Variants in CCBE1 observed in about 807,000 individuals in gnomAD.
CCBE1 encodes collagen and calcium-binding EGF domain-containing protein 1.
In CCBE1, 37 loss-of-function variants were observed where a neutral mutation model predicts 50.0. That is an observed-to-expected ratio of 0.74 (90% CI 0.57 to 0.97). The LOEUF is 0.97. Among genes scored for constraint, CCBE1 ranks in the 50% least tolerant of loss-of-function variants. CCBE1 has a pLI of 0.00. For synonymous variants in CCBE1, 234 were observed against 203.7 expected (o/e 1.15, Z -1.27); for missense variants, 538 against 523.8 (o/e 1.03, Z -0.26).
intron 3 of CCBE1, among the ~76,000 whole-genome samples, chr18:59,472,938 C>T (rs1912105743): frequency 6.6e-6 from 1 of 152,130 alleles, no homozygotes; most frequent in Non-Finnish European, 1.5e-5. Flanking sequence ...TTTATAAAAC[C>T]ATCAGATCTT....
At chr18:59,468,145 T>TG (rs1400107282) in intron 4 of CCBE1, among the ~76,000 whole-genome samples, 3 of 152,152 alleles carry the variant, frequency 2.0e-5, no homozygotes, top group Admixed American at 6.5e-5. Flanking sequence ...CCCAGCGCTT[T>TG]GGGGGGGCCA....
intron 2 of CCBE1, among the ~76,000 whole-genome samples, chr18:59,642,664 A>G (rs1014912061): frequency 3.3e-5 from 5 of 152,162 alleles, no homozygotes; most frequent in African/African-American, 1.2e-4. Context: ...TCAAGAATAC[A>G]ATGGGCCGGG....
At chr18:59,493,597 A>T (rs942874678) in intron 2 of CCBE1, among the ~76,000 whole-genome samples, 6 of 152,118 alleles carry the variant, frequency 3.9e-5, no homozygotes, top group African/African-American at 1.4e-4. Context: ...TTCACTTGTT[A>T]AAATTAGTAG....
intron 2 of CCBE1, among the ~76,000 whole-genome samples, chr18:59,508,178 A>G (rs1032380165): frequency 1.3e-5 from 2 of 151,248 alleles, no homozygotes; most frequent in Non-Finnish European, 2.9e-5. Flanking sequence ...GGCATGAGCC[A>G]CTGCGCCCCG....
chr18:59,491,644 T>C (rs567440378), intron 2 of CCBE1, among the ~76,000 whole-genome samples: 1 of 151,962 alleles, frequency 6.6e-6, no homozygotes, highest in South Asian at 2.1e-4. Context: ...CAAAATCCCA[T>C]CTCTACCAAA....
chr18:59,643,569 T>C (rs1167932944), intron 2 of CCBE1, among the ~76,000 whole-genome samples: 2 of 152,070 alleles, frequency 1.3e-5, no homozygotes, highest in African/African-American at 4.8e-5. Flanking sequence ...AAGGCCGAGG[T>C]GGATCACTTT....
intron 2 of CCBE1, among the ~76,000 whole-genome samples, chr18:59,632,528 C>A (rs1300219732): frequency 6.6e-6 from 1 of 152,094 alleles, no homozygotes; most frequent in Non-Finnish European, 1.5e-5. Context: ...CCTGCCTCGG[C>A]CTCCCAAAGT....
chr18:59,650,493 G>C (rs530224019), intron 2 of CCBE1, among the ~76,000 whole-genome samples: 1 of 151,652 alleles, frequency 6.6e-6, no homozygotes, highest in Non-Finnish European at 1.5e-5. Flanking sequence ...GCGTTAAAAG[G>C]TACCTAATCC....
intron 2 of CCBE1, chr18:59,568,345 G>A (rs2052860435): frequency 6.6e-6 from 1 of 152,158 alleles, no homozygotes; most frequent in Non-Finnish European, 1.5e-5. Context: ...AGAGGTGAGT[G>A]GGAAGTTTAG....
rs373652074 is a variant in CCBE1, at chr18:59,433,891, C to CTTTTTTTTTTTT, written c.*2005_*2016dup. On this transcript the variant is annotated 3_prime_UTR_variant, in exon 11 of 11. Transcript: ENST00000439986. Reference sequence around the variant, plus strand: ...ACAGGCATGAGCCACCAAGCCCGGCCTTTTTTTTTTTTTTTTTTTTTTTTT... The same window carrying CTTTTTTTTTTTT: ...ACAGGCATGAGCCACCAAGCCCGGCCTTTTTTTTTTTTTTTTTTTTTTTTTTTTTTTTTTTTT... 3 of 70,054 alleles carry CTTTTTTTTTTTT rather than the reference C, an allele frequency of 4.3e-5. No individual in the cohort carries two copies. Among genetic ancestry groups the CTTTTTTTTTTTT allele is most frequent in the African/African-American group, 1.2e-4 (2 of 16,452 alleles). 4.3% of individuals were successfully genotyped at this position (70,054 alleles called of 1,614,324 possible).
intron 2 of CCBE1, among the ~76,000 whole-genome samples, chr18:59,549,007 G>T (rs564438280): frequency 1.3e-5 from 2 of 151,482 alleles, no homozygotes; most frequent in Non-Finnish European, 2.9e-5. Context: ...GGAGGCTGAG[G>T]CAGGAGAATC....
At chr18:59,529,252 T>G (rs1914952650) in intron 2 of CCBE1, among the ~76,000 whole-genome samples, 2 of 152,220 alleles carry the variant, frequency 1.3e-5, no homozygotes, top group South Asian at 4.1e-4. Context: ...GGTCATGATC[T>G]GCCACAGCTG....
chr18:59,551,825 C>A (rs1915941104), intron 2 of CCBE1, among the ~76,000 whole-genome samples: 1 of 152,150 alleles, frequency 6.6e-6, no homozygotes, highest in South Asian at 2.1e-4. Flanking sequence ...CTCTAGAACC[C>A]TGGAGCAAGT....
chr18:59,653,847 G>A (rs761759226), intron 2 of CCBE1, among the ~76,000 whole-genome samples: 23 of 152,198 alleles, frequency 1.5e-4, no homozygotes, highest in Admixed American at 9.8e-4. Flanking sequence ...GTAGGAAATC[G>A]TATCAGAGAT....
At chr18:59,666,051 A>G (rs969240491) in intron 2 of CCBE1, 15 of 152,458 alleles carry the variant, frequency 9.8e-5, no homozygotes, top group African/African-American at 3.4e-4. Flanking sequence ...GCGATTTACA[A>G]AAGAAAGAGG....
chr18:59,540,461 A>G (rs1219789470), intron 2 of CCBE1, among the ~76,000 whole-genome samples: 1 of 152,192 alleles, frequency 6.6e-6, no homozygotes, highest in Non-Finnish European at 1.5e-5. Flanking sequence ...ACTGTGGCCA[A>G]CCTTGGTATG....
intron 2 of CCBE1, among the ~76,000 whole-genome samples, chr18:59,570,228 C>T (rs556872308): frequency 1.3e-5 from 2 of 152,268 alleles, no homozygotes; most frequent in African/African-American, 2.4e-5. Flanking sequence ...GGAAGCTGCA[C>T]ACCACTGACC....
intron 2 of CCBE1, among the ~76,000 whole-genome samples, chr18:59,547,624 T>TA (rs1430151025): frequency 6.6e-6 from 1 of 152,180 alleles, no homozygotes; most frequent in Admixed American, 6.5e-5. Flanking sequence ...ACACACCTGA[T>TA]AAAGATTTCA....
rs78547027 is a variant in CCBE1, at chr18:59,507,261, G to T, written c.213-27023C>A. Among the ~76,000 whole-genome samples, 1,195 of 152,180 alleles carry T rather than the reference G, an allele frequency of 7.9e-3. 10 individuals carry two copies. The highest frequency in any genetic ancestry group is 0.027 in the African/African-American group (1,119 of 41,538). ...TTTCATTCACTCTACCAAAGATCAA[G>T]CCCTGTCAGTTTTAACATGCTGCTT... On this transcript the variant is annotated intron_variant, in intron 2 of 10. Transcript: ENST00000439986.
Sources: gnomAD v4.1 joint callset for allele counts (sites outside exome capture counted in the v4.1 genomes callset) on GRCh38, gnomAD v4.1.1 for gene constraint, MANE v1.5 for transcripts, NCBI Gene and HGNC (gene_info 2026-07-23, HGNC 2026-07-21) for gene names.